EXOC3: variants seen among roughly 807,000 people sequenced by gnomAD.
EXOC3 encodes SEC6-like 1.
In EXOC3, 21 loss-of-function variants were observed where a neutral mutation model predicts 73.7. The ratio of observed to expected loss-of-function variants is 0.29; its 90% CI spans 0.20 to 0.41. The LOEUF (loss-of-function observed/expected upper bound fraction) is 0.41. EXOC3 is among the 10% of genes least tolerant of loss of function. EXOC3 has a pLI of 1.00. For synonymous variants in EXOC3, 410 were observed against 389.1 expected (o/e 1.05, Z -0.63); for missense variants, 842 against 985.1 (o/e 0.85, Z 1.95).
At chr5:457,879 A>G (rs977942343) in intron 5 of EXOC3, 21 bp from the exon 6 acceptor site, 1 of 1,594,810 alleles carries the variant, frequency 6.3e-7, no homozygotes, top group Non-Finnish European at 8.5e-7. Context: ...TCTCTTCTCC[A>G]TGATGCTGAA....
At position 454,058 on chromosome 5, in the gene EXOC3, C is replaced by G; in HGVS notation, c.1046+7C>G. 6.3e-7 allele frequency: 1 copy of G among 1,583,802 alleles called. No individual in the cohort carries two copies. The highest frequency in any genetic ancestry group is 8.6e-7 in the Non-Finnish European group (1 of 1,165,226). On this transcript the variant is annotated splice_region_variant and intron_variant, in intron 4 of 12. Coordinates refer to ENST00000512944, the MANE Select transcript of EXOC3 (RefSeq NM_007277.5). Reference sequence around the variant, plus strand: ...TCTTAAACACCTACACAAGGTAAAGCTAACCTGGCGCCTGTGTTGGCTCTT... The same window carrying G: ...TCTTAAACACCTACACAAGGTAAAGGTAACCTGGCGCCTGTGTTGGCTCTT...
chr5:456,389 T>TG (rs1164936396), intron 4 of EXOC3, among the ~76,000 whole-genome samples: 1 of 76,966 alleles, frequency 1.3e-5, no homozygotes, highest in African/African-American at 6.4e-5. Flanking sequence ...GTGGCGCCCG[T>TG]GGCTGTGGGG....
At chr5:448,728 G>A (rs1034981740) in intron 3 of EXOC3, among the ~76,000 whole-genome samples, 13 of 152,168 alleles carry the variant, frequency 8.5e-5, no homozygotes, top group Non-Finnish European at 1.6e-4. Context: ...TTGGTAATCC[G>A]TGTCCCGTCC....
chr5:451,332 C>T (rs1178192143), intron 3 of EXOC3, among the ~76,000 whole-genome samples: 2 of 152,206 alleles, frequency 1.3e-5, no homozygotes, highest in East Asian at 1.9e-4. Context: ...GCTTCATCTC[C>T]ACTCCCTTTG....
At position 459,513 on chromosome 5, in the gene EXOC3, G is replaced by C. The variant is rs1737921432; in HGVS notation, c.1391+54G>C. On this transcript the variant is annotated intron_variant, in intron 7 of 12. Transcript: ENST00000512944. ...ACACATTGAATGTTTTTAAAAATTA[G>C]AAGCAAAAATTTTTTGATCCTACTA... The C allele has an allele frequency of 6.7e-6, 7 of 1,041,478 alleles. No individual in the cohort carries two copies. The South Asian group carries it at 1.1e-4, about 16-fold the overall frequency. The allele number at this position is 1,041,478 out of a possible 1,614,324, so 64.5% of individuals were successfully genotyped here.
chr5:445,253 C>T (rs1433069958), intron 1 of EXOC3, among the ~76,000 whole-genome samples: 2 of 152,074 alleles, frequency 1.3e-5, no homozygotes, highest in Non-Finnish European at 2.9e-5. Flanking sequence ...TGCACGGGGC[C>T]TGCATAAAGG....
rs375170279 is a variant in EXOC3, at chr5:465,814, T to A, written c.2035T>A (p.Ser679Thr). 3 of 1,612,554 alleles carry A rather than the reference T, an allele frequency of 1.9e-6. No homozygotes were observed. Among genetic ancestry groups the A allele is most frequent in the Non-Finnish European group, 2.5e-6 (3 of 1,179,342 alleles). Residue 679 changes from serine to threonine, a missense_variant, in exon 12 of 13, where the codon TCC becomes ACC. Physicochemically the swap from Ser to Thr is moderately conservative, Grantham distance 58. Coordinates refer to ENST00000512944, the MANE Select transcript of EXOC3 (RefSeq NM_007277.5). ...CCCTTCTCTGCTCTACCTGGAGGTC[T>A]CCACTCTGGTCAGCAAGTATCCAGA... ...TDPSLLYLEVSTLVSKYPDIR... is the reference protein window; with the variant it reads ...TDPSLLYLEVTTLVSKYPDIR...
chr5:443,741 C>T (rs1737415102), intron 1 of EXOC3, among the ~76,000 whole-genome samples: 1 of 147,782 alleles, frequency 6.8e-6, no homozygotes, highest in South Asian at 2.2e-4. Flanking sequence ...GCAAGTGTCC[C>T]CTCAAGCACA....
chr5:450,224 G>A (rs1032922804), intron 3 of EXOC3, among the ~76,000 whole-genome samples: 8 of 152,152 alleles, frequency 5.3e-5, no homozygotes, highest in Non-Finnish European at 1.0e-4. Flanking sequence ...CCAGCCAGGG[G>A]GACAAGAGCG....
intron 9 of EXOC3, among the ~76,000 whole-genome samples, chr5:462,888 CTGA>C (rs767311880): frequency 2.1e-4 from 32 of 152,130 alleles, no homozygotes; most frequent in Non-Finnish European, 4.0e-4. Context: ...GGCGGATCAC[CTGA>C]GGTTGGGAGT....
At chr5:460,620 C>G (rs1737956189) in intron 7 of EXOC3, among the ~76,000 whole-genome samples, 1 of 151,960 alleles carries the variant, frequency 6.6e-6, no homozygotes, top group Non-Finnish European at 1.5e-5. Flanking sequence ...AAGTCTTAGC[C>G]AAGTTCCCAT....
In EXOC3 at chr5:467,004, C is replaced by A; in HGVS notation, c.*106C>A. Reference sequence around the variant, plus strand: ...TGGCCACACGTGCTCCTTTTAGCTGCACGGCCTGTCTTTAGGTGCCAGTGT... The same window carrying A: ...TGGCCACACGTGCTCCTTTTAGCTGAACGGCCTGTCTTTAGGTGCCAGTGT... On this transcript the variant is annotated 3_prime_UTR_variant, in exon 13 of 13. Coordinates refer to ENST00000512944, the MANE Select transcript of EXOC3 (RefSeq NM_007277.5). The A allele has an allele frequency of 1.7e-6, 2 of 1,183,868 alleles. No individual in the cohort carries two copies. Among genetic ancestry groups the A allele is most frequent in the Non-Finnish European group, 1.2e-6 (1 of 844,928 alleles). 73.3% of individuals were successfully genotyped at this position (1,183,868 alleles called of 1,614,324 possible). A position where few individuals can be genotyped will look rare whatever the true frequency, so the allele number is the denominator to read the frequency against.
At chr5:459,523 T>A in intron 7 of EXOC3, 64 bp downstream of exon 7, 1 of 867,128 alleles carries the variant, frequency 1.2e-6, no homozygotes, top group Non-Finnish European at 1.8e-6. Flanking sequence ...GAAGCAAAAA[T>A]TTTTTGATCC....
In EXOC3 at chr5:466,877, C is replaced by G. The variant is rs769703693; in HGVS notation, c.2217C>G (p.Asn739Lys). The part of the protein sequence containing the change: ...LFKDIVVPSL[N>K]VAKLLK ...AGGACATTGTGGTGCCCAGCCTGAACGTGGCCAAGCTGCTCAAGTAGCCTC... is the reference window on the plus strand; with the variant it reads ...AGGACATTGTGGTGCCCAGCCTGAAGGTGGCCAAGCTGCTCAAGTAGCCTC... The change falls in exon 13 of 13, where the codon AAC becomes AAG. Residue 739 changes from asparagine to lysine, a missense_variant. Asn to Lys is a moderately conservative substitution (Grantham distance 94). Transcript: ENST00000512944. 1 of 1,609,306 alleles carries G rather than the reference C, an allele frequency of 6.2e-7. No homozygotes were observed. Among genetic ancestry groups the G allele is most frequent in the African/African-American group, 1.3e-5 (1 of 74,808 alleles).
At chr5:454,197 G>A (rs1236185075) in intron 4 of EXOC3, 146 bp downstream of exon 4, 3 of 654,752 alleles carry the variant, frequency 4.6e-6, no homozygotes, top group Non-Finnish European at 7.7e-6. Context: ...GCCCAGGGGT[G>A]TCTTCTTTCT....
chr5:446,316 G>A lies in EXOC3; in HGVS notation c.111G>A (p.Ala37=), dbSNP rs767385035. 122 of 1,612,628 alleles carry A rather than the reference G, an allele frequency of 7.6e-5. No individual in the cohort carries two copies. The highest frequency in any genetic ancestry group is 9.7e-5 in the Non-Finnish European group (114 of 1,179,194). The part of the protein sequence containing the change: ...DKVEQYRRRE[A]RKKASVEARL... ...TGGAGCAGTATCGCAGGAGAGAAGC[G>A]CGGAAGAAGGCCTCCGTGGAGGCCA... The change falls in exon 2 of 13, where the codon GCG becomes GCA. Residue 37 remains alanine (A), a synonymous_variant. Transcript: ENST00000512944.
At chr5:447,064 C>T (rs556541739) in intron 2 of EXOC3, 38 of 155,850 alleles carry the variant, frequency 2.4e-4, no homozygotes, top group Non-Finnish European at 4.3e-4. Context: ...GTGGGTCAGC[C>T]GTCCTGGGGC....
chr5:448,763 C>G (rs1243444959), intron 3 of EXOC3, among the ~76,000 whole-genome samples: 1 of 152,224 alleles, frequency 6.6e-6, no homozygotes, highest in Admixed American at 6.5e-5. Context: ...GCCCTCCTCT[C>G]GTGCTTGCGG....
At chr5:458,564 C>A (rs1374950090) in intron 6 of EXOC3, among the ~76,000 whole-genome samples, 1 of 152,200 alleles carries the variant, frequency 6.6e-6, no homozygotes, top group African/African-American at 2.4e-5. Context: ...AAGTATTAGA[C>A]CGACCTGCAT....
Sources: allele counts gnomAD v4.1 joint callset (sites outside exome capture counted in the v4.1 genomes callset), GRCh38; gene constraint gnomAD v4.1.1; transcripts MANE v1.5; gene names NCBI Gene and HGNC (gene_info 2026-07-23, HGNC 2026-07-21).